Variants in FUT8 observed in about 807,000 individuals in gnomAD.
FUT8 encodes fucosyltransferase 8, also known as alpha-(1,6)-fucosyltransferase.
Under a neutral mutation model 71.3 loss-of-function variants are expected in FUT8, and 29 were observed. The ratio of observed to expected loss-of-function variants is 0.41; its 90% CI spans 0.30 to 0.55. The LOEUF (loss-of-function observed/expected upper bound fraction) is 0.55. Among genes scored for constraint, FUT8 ranks in the 20% least tolerant of loss-of-function variants. FUT8 has a pLI of 0.34. For missense variants in FUT8, 544 were observed against 702.1 expected (o/e 0.77, Z 2.55); for synonymous variants, 254 against 239.3 (o/e 1.06, Z -0.57).
intron 7 of FUT8, among the ~76,000 whole-genome samples, chr14:65,674,193 T>C (rs1377583107): frequency 6.6e-6 from 1 of 152,156 alleles, no homozygotes; most frequent in African/African-American, 2.4e-5. Flanking sequence ...GATAATTGTA[T>C]TAATAGAAAC....
chr14:65,575,028 A>G (rs1208822746), intron 3 of FUT8, among the ~76,000 whole-genome samples: 5 of 151,978 alleles, frequency 3.3e-5, no homozygotes, highest in Admixed American at 2.6e-4. Context: ...ATGTTTTCTA[A>G]TTCGTATAAA....
intron 1 of FUT8, among the ~76,000 whole-genome samples, chr14:65,414,570 G>T (rs1407376927): frequency 6.6e-6 from 1 of 152,108 alleles, no homozygotes; most frequent in Non-Finnish European, 1.5e-5. Flanking sequence ...TTAATTACTT[G>T]ATTTGTAAAT....
intron 6 of FUT8, among the ~76,000 whole-genome samples, chr14:65,648,430 A>AT (rs1192332905): frequency 3.3e-5 from 5 of 152,016 alleles, no homozygotes; most frequent in Middle Eastern, 3.4e-3. Context: ...CCAAACAGTT[A>AT]TTTTTTTCCA....
intron 2 of FUT8, among the ~76,000 whole-genome samples, chr14:65,478,454 T>C (rs2066280993): frequency 6.6e-6 from 1 of 152,188 alleles, no homozygotes; most frequent in Non-Finnish European, 1.5e-5. Context: ...AAAAACTCCC[T>C]ATTCCCATTA....
chr14:65,547,063 A>G (rs1416084946), intron 2 of FUT8, among the ~76,000 whole-genome samples: 5 of 151,362 alleles, frequency 3.3e-5, no homozygotes, highest in Admixed American at 6.6e-5. Flanking sequence ...ATCTCTAGTA[A>G]TACTACAGAT....
Position 65,694,620 on chromosome 14 carries a change from A to G in FUT8, c.835+25140A>G, listed in dbSNP as rs113292571. ...TATGTTTATTGTGGCACTATTCACA[A>G]TAGCAAAGACTTGGAATCAACCCAG... On this transcript the variant is annotated intron_variant, in intron 7 of 10. Transcript: ENST00000673929. Among the ~76,000 whole-genome samples the G allele has an allele frequency of 9.3e-3, 1,423 of 152,288 alleles. 21 individuals are homozygous for G. Among genetic ancestry groups the G allele is most frequent in the African/African-American group, 0.033 (1,355 of 41,546 alleles).
At chr14:65,689,837 G>A (rs1038359411) in intron 7 of FUT8, among the ~76,000 whole-genome samples, 2 of 152,084 alleles carry the variant, frequency 1.3e-5, no homozygotes, top group African/African-American at 2.4e-5. Flanking sequence ...GCACCCAGCC[G>A]AGCAGAGGTT....
At chr14:65,500,161 G>T (rs1376632536) in intron 2 of FUT8, among the ~76,000 whole-genome samples, 1 of 152,170 alleles carries the variant, frequency 6.6e-6, no homozygotes, top group African/African-American at 2.4e-5. Flanking sequence ...TGGTAATCTG[G>T]ATGTAGCTCA....
At chr14:65,373,247 T>C in the FUT8 span, among the ~76,000 whole-genome samples, 257 of 151,788 alleles carry the variant, frequency 1.7e-3, 2 homozygotes, top group African/African-American at 6.0e-3. Flanking sequence ...AGCTTGGACC[T>C]GCAGCCGTAA....
chr14:65,726,624 A>G (rs1895700016), intron 9 of FUT8, among the ~76,000 whole-genome samples: 1 of 152,188 alleles, frequency 6.6e-6, no homozygotes, highest in Non-Finnish European at 1.5e-5. Context: ...ACACCTGAGA[A>G]TTCAAGATGA....
chr14:65,633,774 C>T (rs1890358928), intron 6 of FUT8, among the ~76,000 whole-genome samples: 1 of 152,012 alleles, frequency 6.6e-6, no homozygotes, highest in Admixed American at 6.5e-5. Context: ...TGAGGAGCCC[C>T]TCCGCCCGGC....
the FUT8 span, among the ~76,000 whole-genome samples, chr14:65,381,507 A>G: frequency 4.6e-5 from 7 of 152,236 alleles, no homozygotes; most frequent in African/African-American, 1.4e-4. Context: ...GTAATGTGGT[A>G]AAATTTCAGT....
rs930361530 is a variant in FUT8, at chr14:65,603,992, A to G, written c.204-11986A>G. 1.3e-5 allele frequency among the ~76,000 whole-genome samples: 2 copies of G among 151,744 alleles called. No homozygotes were observed. Among genetic ancestry groups the G allele is most frequent in the Non-Finnish European group, 2.9e-5 (2 of 67,868 alleles). Reference sequence around the variant, plus strand: ...GACAAAACAAAAAACAACAGCAACTAAAAAAGACAAAAGGCCTTGTCCAAC... The same window carrying G: ...GACAAAACAAAAAACAACAGCAACTGAAAAAGACAAAAGGCCTTGTCCAAC... On this transcript the variant is annotated intron_variant, in intron 3 of 10. Transcript: ENST00000673929. The surrounding 1 kb of genome is among the most constrained non-coding windows in gnomAD (Gnocchi z 4.5).
At chr14:65,576,327 C>T (rs1886772360) in intron 3 of FUT8, among the ~76,000 whole-genome samples, 1 of 152,140 alleles carries the variant, frequency 6.6e-6, no homozygotes. Context: ...TACTCTCTGA[C>T]CCTTTATAGA....
intron 9 of FUT8, among the ~76,000 whole-genome samples, chr14:65,728,648 TA>T (rs1652736031): frequency 1.3e-5 from 2 of 151,580 alleles, no homozygotes; most frequent in Admixed American, 1.3e-4. Context: ...CCATAGATTA[TA>T]AAACTATACT....
chr14:65,547,969 C>T (rs1885068301), intron 2 of FUT8, among the ~76,000 whole-genome samples: 1 of 151,948 alleles, frequency 6.6e-6, no homozygotes, highest in African/African-American at 2.4e-5. Flanking sequence ...TATATTTAGT[C>T]ATTATGTCTC....
intron 2 of FUT8, among the ~76,000 whole-genome samples, chr14:65,537,549 G>A (rs531303938): frequency 9.9e-5 from 15 of 151,934 alleles, no homozygotes; most frequent in Middle Eastern, 3.4e-3. Context: ...CACCACGCCC[G>A]GCTAATTTTT....
the FUT8 span, among the ~76,000 whole-genome samples, chr14:65,367,658 G>A: frequency 0.012 from 1,882 of 152,276 alleles, 17 homozygotes; most frequent in South Asian, 0.024. Context: ...AATTTAACAT[G>A]CACTGCAATC....
At chr14:65,430,808 T>C (rs760324598) in intron 1 of FUT8, among the ~76,000 whole-genome samples, 1 of 152,122 alleles carries the variant, frequency 6.6e-6, no homozygotes. Flanking sequence ...TTAGATGGGA[T>C]ATAGAAAGCT....
Sources: allele counts gnomAD v4.1 joint callset (sites outside exome capture counted in the v4.1 genomes callset), GRCh38; gene constraint gnomAD v4.1.1; non-coding constraint Gnocchi (gnomAD v3.1); transcripts MANE v1.5; gene names NCBI Gene and HGNC (gene_info 2026-07-23, HGNC 2026-07-21).